Variants in CPLX2 observed in about 807,000 individuals in gnomAD.
CPLX2 encodes the protein complexin 2.
A neutral mutation model predicts 16.3 loss-of-function variants in CPLX2; 5 were observed. That is an observed-to-expected ratio of 0.31 (90% CI 0.16 to 0.64). CPLX2 has a LOEUF of 0.64. Among genes scored for constraint, CPLX2 ranks in the 30% least tolerant of loss-of-function variants. CPLX2 has a pLI of 0.79. For missense variants in CPLX2, 144 were observed against 181.4 expected, an observed-to-expected ratio of 0.79 and a Z score of 1.18; for synonymous variants, 89 against 73.2, an observed-to-expected ratio of 1.22 and a Z score of -1.10.
intron 1 of CPLX2, among the ~76,000 whole-genome samples, chr5:175,797,560 C>T (rs898311007): frequency 6.6e-6 from 1 of 152,158 alleles, no homozygotes; most frequent in Non-Finnish European, 1.5e-5. Context: ...CACAGAAGCC[C>T]GCGGCTGGCA....
chr5:175,830,516 C>T lies in CPLX2; in HGVS notation c.-89+21448C>T, dbSNP rs1758716017. Reference sequence around the variant, plus strand: ...GGGGAGTTTTAGGGGTGAAGCACCCCACCCCCAGCTGTCCAGCCACCCTTA... The same window carrying T: ...GGGGAGTTTTAGGGGTGAAGCACCCTACCCCCAGCTGTCCAGCCACCCTTA... On this transcript the variant is annotated intron_variant, in intron 2 of 4. Coordinates refer to the CPLX2 transcript ENST00000359546. This position sits in a 1 kb window ranked among gnomAD's most constrained non-coding sequence, Gnocchi z 4.0. Among the ~76,000 whole-genome samples, 1 of 152,128 alleles carries T rather than the reference C, an allele frequency of 6.6e-6. No individual in the cohort carries two copies. The highest frequency in any genetic ancestry group is 1.5e-5 in the Non-Finnish European group (1 of 68,018).
At position 175,829,452 on chromosome 5, in the gene CPLX2, C is replaced by T. The variant is rs1758689359; in HGVS notation, c.-89+20384C>T. 2.0e-5 allele frequency among the ~76,000 whole-genome samples: 3 copies of T among 152,312 alleles called. No homozygotes were observed. The South Asian group carries it at 6.2e-4, about 32-fold the overall frequency. Reference sequence around the variant, plus strand: ...CAGTCATCCAGAGCCACACCTGACCCCAGTTCCTGCTGTCACTCTTTGCTA... The same window carrying T: ...CAGTCATCCAGAGCCACACCTGACCTCAGTTCCTGCTGTCACTCTTTGCTA... On this transcript the variant is annotated intron_variant, in intron 2 of 4. Coordinates refer to the CPLX2 transcript ENST00000359546.
chr5:175,839,618 G>A (rs1758911927), intron 2 of CPLX2, among the ~76,000 whole-genome samples: 2 of 152,110 alleles, frequency 1.3e-5, no homozygotes, highest in Admixed American at 1.3e-4. Flanking sequence ...TGATATGTTT[G>A]GTAATGTATC....
At chr5:175,829,350 C>T (rs1248863598) in intron 2 of CPLX2, among the ~76,000 whole-genome samples, 1 of 152,222 alleles carries the variant, frequency 6.6e-6, no homozygotes, top group Non-Finnish European at 1.5e-5. Context: ...CTCAGCCATG[C>T]TCCCTCCCTG....
At chr5:175,811,271 T>G (rs757027822) in intron 2 of CPLX2, among the ~76,000 whole-genome samples, 1 of 152,136 alleles carries the variant, frequency 6.6e-6, no homozygotes, top group Non-Finnish European at 1.5e-5. Flanking sequence ...GTTTGAAAAG[T>G]CTTGAGAAGC....
intron 2 of CPLX2, among the ~76,000 whole-genome samples, chr5:175,865,090 G>A (rs1560029): frequency 0.68 from 102,983 of 151,236 alleles, 35,533 homozygotes; most frequent in East Asian, 0.95. Flanking sequence ...GTGCGCGCGC[G>A]CACACACACA....
chr5:175,859,599 G>A (rs769043431), intron 2 of CPLX2, among the ~76,000 whole-genome samples: 13 of 152,360 alleles, frequency 8.5e-5, no homozygotes, highest in South Asian at 4.1e-4. Flanking sequence ...GAATGCCGAC[G>A]CCACTCAAAG....
intron 2 of CPLX2, among the ~76,000 whole-genome samples, chr5:175,851,433 G>T (rs1245593500): frequency 2.0e-5 from 3 of 152,214 alleles, no homozygotes; most frequent in South Asian, 2.1e-4. Context: ...AGAGGCACGT[G>T]CAGCTTGAGG....
chr5:175,816,990 T>C (rs946987695), intron 2 of CPLX2, among the ~76,000 whole-genome samples: 2 of 152,226 alleles, frequency 1.3e-5, no homozygotes, highest in Non-Finnish European at 2.9e-5. Context: ...GTGGTGTCCA[T>C]GGTGACCCAA....
intron 2 of CPLX2, among the ~76,000 whole-genome samples, chr5:175,854,272 G>C (rs199569146): frequency 6.6e-6 from 1 of 152,094 alleles, no homozygotes; most frequent in Non-Finnish European, 1.5e-5. Context: ...CCAGGCCTTC[G>C]TTTGCTGGAT....
chr5:175,857,753 A>G (rs1759288351), intron 2 of CPLX2, among the ~76,000 whole-genome samples: 2 of 152,188 alleles, frequency 1.3e-5, no homozygotes, highest in African/African-American at 4.8e-5. Context: ...GTTGGGAGCC[A>G]TTGTATCTGT....
Position 175,880,340 on chromosome 5 carries a change from A to C in CPLX2, c.*295A>C. ...GTCGTGCTAGTGTGGTGACCCCCAT[A>C]CATTCCTCCCTGCTCCCCACTGCCA... On this transcript the variant is annotated 3_prime_UTR_variant, in exon 4 of 4. Transcript: ENST00000393745. 2.2e-6 allele frequency: 1 copy of C among 458,392 alleles called. No homozygotes were observed. Among genetic ancestry groups the C allele is most frequent in the Non-Finnish European group, 4.1e-6 (1 of 246,366 alleles). 28.4% of individuals were successfully genotyped at this position (458,392 alleles called of 1,614,324 possible). A position where few individuals can be genotyped will look rare whatever the true frequency, so the allele number is the denominator to read the frequency against.
At chr5:175,857,600 A>C (rs1014104815) in intron 2 of CPLX2, among the ~76,000 whole-genome samples, 1 of 152,184 alleles carries the variant, frequency 6.6e-6, no homozygotes, top group African/African-American at 2.4e-5. Flanking sequence ...AAAGCGTTGG[A>C]TATATCATGT....
chr5:175,879,982 G>A lies in CPLX2; in HGVS notation c.342G>A (p.Glu114=). 6.2e-7 allele frequency: 1 copy of A among 1,614,060 alleles called. No homozygotes were observed. The highest frequency in any genetic ancestry group is 8.5e-7 in the Non-Finnish European group (1 of 1,179,982). The change falls in exon 4 of 4, where the codon GAG becomes GAA. Residue 114 remains glutamate (E), a synonymous_variant. Transcript: ENST00000393745. ...GCGDEEEEEE[E]SILDTVLKYL... ...GGGACGAGGAGGAGGAGGAAGAGGA[G>A]AGCATCCTGGACACGGTGCTCAAAT... is the stretch of plus-strand genomic sequence containing the variant.
chr5:175,801,161 T>TAAA (rs3051187), intron 1 of CPLX2, among the ~76,000 whole-genome samples: 9,732 of 140,884 alleles, frequency 0.069, 597 homozygotes, highest in African/African-American at 0.16. Context: ...AGAGGAGTGT[T>TAAA]AAAAAAAAAA....
At chr5:175,799,576 A>ATTTATATATATATATATATATATAT (rs1758054785) in intron 1 of CPLX2, among the ~76,000 whole-genome samples, 1 of 142,504 alleles carries the variant, frequency 7.0e-6, no homozygotes, top group African/African-American at 2.6e-5. Flanking sequence ...ATATATATAT[A>ATTTATATATATATATATATATATAT]GTAATCACAG....
Position 175,830,284 on chromosome 5 carries a change from A to T in CPLX2, c.-89+21216A>T, listed in dbSNP as rs755977097. On this transcript the variant is annotated intron_variant, in intron 2 of 4. Transcript: ENST00000359546. This position sits in a 1 kb window ranked among gnomAD's most constrained non-coding sequence, Gnocchi z 4.0. ...TGGCATCTTTTGTGGCTGAATTTTC[A>T]CAACTCATGAGAGAGGAAGAGATGA... 3.3e-5 allele frequency among the ~76,000 whole-genome samples: 5 copies of T among 152,184 alleles called. No individual in the cohort carries two copies. Among genetic ancestry groups the T allele is most frequent in the Non-Finnish European group, 7.3e-5 (5 of 68,032 alleles).
chr5:175,871,488 T>TGGGAGAGAGAGAGAGAGAGAGAGAGG (rs1759617735), upstream of CPLX2: 1 of 18,524 alleles, frequency 5.4e-5, no homozygotes, highest in African/African-American at 2.3e-4. Flanking sequence ...AGAGAGAGAT[T>TGGGAGAGAGAGAGAGAGAGAGAGAGG]TGAATTTCCC....
In CPLX2 at chr5:175,882,066, T is replaced by C. The variant is rs1755625572; in HGVS notation, c.*2021T>C. 1 of 152,646 alleles carries C rather than the reference T, an allele frequency of 6.6e-6. No individual in the cohort carries two copies. Among genetic ancestry groups the C allele is most frequent in the Admixed American group, 6.5e-5 (1 of 15,292 alleles). The allele number at this position is 152,646 out of a possible 1,614,324, so 9.5% of individuals were successfully genotyped here. On this transcript the variant is annotated 3_prime_UTR_variant, in exon 4 of 4. Coordinates refer to ENST00000393745, the MANE Select transcript of CPLX2 (RefSeq NM_001008220.2). The stretch of plus-strand genomic sequence containing the variant: ...AAAGTCCCCTGGTCTGTCCCTTCTT[T>C]GGGGAGCAGGGCCTCGACAGCTCCA...
Sources: gnomAD v4.1 joint callset for allele counts (sites outside exome capture counted in the v4.1 genomes callset) on GRCh38, gnomAD v4.1.1 for gene constraint, Gnocchi (gnomAD v3.1) non-coding constraint, MANE v1.5 for transcripts, NCBI Gene and HGNC (gene_info 2026-07-23, HGNC 2026-07-21) for gene names.